Variants in LRPPRC observed in about 807,000 individuals in gnomAD.
LRPPRC encodes the protein leucine-rich PPR motif-containing protein, mitochondrial.
In LRPPRC, 120 loss-of-function variants were observed where a neutral mutation model predicts 180.3. That is an observed-to-expected ratio of 0.67 (90% CI 0.57 to 0.77). The LOEUF is 0.77. Ranked by LOEUF, LRPPRC falls within the 30% of genes least tolerant of loss-of-function variation. The pLI, the probability that LRPPRC is intolerant of heterozygous loss-of-function variation, is 0.00. For missense variants in LRPPRC, 2,012 were observed against 1,657.2 expected (o/e 1.21, Z -3.72); for synonymous variants, 723 against 600.0 (o/e 1.21, Z -3.00).
intron 16 of LRPPRC, among the ~76,000 whole-genome samples, chr2:43,949,301 A>G (rs1247415148): frequency 6.6e-6 from 1 of 152,202 alleles, no homozygotes; most frequent in African/African-American, 2.4e-5. Flanking sequence ...CAAAACATTA[A>G]AAGCACATAA....
At chr2:43,911,039 A>T (rs1671237196) in intron 30 of LRPPRC, among the ~76,000 whole-genome samples, 1 of 151,836 alleles carries the variant, frequency 6.6e-6, no homozygotes, top group Non-Finnish European at 1.5e-5. Flanking sequence ...ATTTTCTGAG[A>T]AAAGTAATTT....
At chr2:43,889,471 C>G (rs899788550) in intron 37 of LRPPRC, among the ~76,000 whole-genome samples, 1 of 152,058 alleles carries the variant, frequency 6.6e-6, no homozygotes, top group African/African-American at 2.4e-5. Flanking sequence ...GAGAGAACTG[C>G]CCCAAGGACA....
intron 12 of LRPPRC, 57 bp from the exon 13 acceptor site, chr2:43,960,691 G>A (rs577477837): frequency 3.6e-6 from 3 of 822,060 alleles, no homozygotes; most frequent in Non-Finnish European, 6.5e-6. Flanking sequence ...ATTTTGATAA[G>A]CCAAAGATCC....
At chr2:43,891,752 T>C (rs1192069134) in intron 36 of LRPPRC, among the ~76,000 whole-genome samples, 1 of 152,208 alleles carries the variant, frequency 6.6e-6, no homozygotes, top group Non-Finnish European at 1.5e-5. Context: ...CATACATCTC[T>C]CATTTAAATC....
chr2:43,900,442 T>G (rs1406891937), intron 32 of LRPPRC, among the ~76,000 whole-genome samples: 1 of 152,168 alleles, frequency 6.6e-6, no homozygotes, highest in Non-Finnish European at 1.5e-5. Context: ...AAGGAATTAC[T>G]TAATAGTGAA....
At chr2:43,908,559 T>A (rs1441592073) in intron 30 of LRPPRC, among the ~76,000 whole-genome samples, 1 of 152,032 alleles carries the variant, frequency 6.6e-6, no homozygotes, top group African/African-American at 2.4e-5. Context: ...TCTCACTCTG[T>A]CACTCAGGCT....
chr2:43,974,063 G>C (rs1371366527), intron 9 of LRPPRC, 87 bp downstream of exon 9: 9 of 1,358,778 alleles, frequency 6.6e-6, no homozygotes, highest in Middle Eastern at 1.8e-4. Flanking sequence ...TTTACAACTG[G>C]TCTAATCTTA....
At chr2:43,924,959 A>G (rs1245023353) in intron 27 of LRPPRC, 108 bp downstream of exon 27, 1 of 759,546 alleles carries the variant, frequency 1.3e-6, no homozygotes, top group Non-Finnish European at 2.4e-6. Flanking sequence ...TGTTGAATGA[A>G]AACTGCCTTC....
intron 25 of LRPPRC, among the ~76,000 whole-genome samples, chr2:43,932,848 C>T (rs1296200286): frequency 6.6e-6 from 1 of 152,148 alleles, no homozygotes; most frequent in South Asian, 2.1e-4. Context: ...AACAAGAAAT[C>T]ACTCTTCTGC....
chr2:43,964,134 G>T (rs1027587881), intron 11 of LRPPRC, among the ~76,000 whole-genome samples: 7 of 152,072 alleles, frequency 4.6e-5, no homozygotes, highest in Non-Finnish European at 8.8e-5. Context: ...TATGTAAAAA[G>T]TTCCCTAATT....
intron 36 of LRPPRC, among the ~76,000 whole-genome samples, chr2:43,891,867 A>C (rs897941438): frequency 5.3e-5 from 8 of 152,270 alleles, no homozygotes; most frequent in African/African-American, 2.4e-5. Flanking sequence ...CCAGTTGTGA[A>C]TGCAAAGGAA....
Position 43,945,407 on chromosome 2 carries a change from C to A in LRPPRC, c.2221G>T (p.Asp741Tyr). The A allele has an allele frequency of 1.2e-6, 2 of 1,608,856 alleles. No homozygotes were observed. The highest frequency in any genetic ancestry group is 1.7e-6 in the Non-Finnish European group (2 of 1,175,438). The part of the protein sequence containing the change: ...LNLKEEFDRL[D>Y]SSAVLDTGKY... Reference sequence around the variant, plus strand: ...CCGGTGTCAAGGACAGCAGATGAATCTAAGCGGTCACTAAAAATTAAAGCC... The same window carrying A: ...CCGGTGTCAAGGACAGCAGATGAATATAAGCGGTCACTAAAAATTAAAGCC... Residue 741 changes from aspartate to tyrosine, a missense_variant, in exon 22 of 38, where the codon GAT becomes TAT. Asp to Tyr is a radical substitution (Grantham distance 160). Transcript: ENST00000260665.
chr2:43,887,862 C>T lies in LRPPRC; in HGVS notation c.*738G>A, dbSNP rs919101190. 1 of 152,324 alleles carries T rather than the reference C, an allele frequency of 6.6e-6. No individual in the cohort carries two copies. The highest frequency in any genetic ancestry group is 1.9e-4 in the East Asian group (1 of 5,206). 9.4% of individuals were successfully genotyped at this position (152,324 alleles called of 1,614,324 possible). A position where few individuals can be genotyped will look rare whatever the true frequency, so the allele number is the denominator to read the frequency against. ...ATAAAGTAACAAGCCTAGGGCAGAG[C>T]TTGTACTGACAAAGTCCTGAAACTA... On this transcript the variant is annotated 3_prime_UTR_variant, in exon 38 of 38. Transcript: ENST00000260665.
At chr2:43,918,804 T>TATATATAG (rs1425325672) in intron 27 of LRPPRC, among the ~76,000 whole-genome samples, 1 of 136,542 alleles carries the variant, frequency 7.3e-6, no homozygotes, top group Non-Finnish European at 1.5e-5. Context: ...TATATATATA[T>TATATATAG]ATATAGATAT....
intron 1 of LRPPRC, among the ~76,000 whole-genome samples, chr2:43,984,706 A>C (rs1293349542): frequency 6.6e-6 from 1 of 152,176 alleles, no homozygotes; most frequent in Non-Finnish European, 1.5e-5. Context: ...GAAAGAACAG[A>C]ACAAGTCCAG....
At chr2:43,915,094 G>C (rs1463737086) in intron 29 of LRPPRC, among the ~76,000 whole-genome samples, 1 of 149,340 alleles carries the variant, frequency 6.7e-6, no homozygotes, top group Non-Finnish European at 1.5e-5. Context: ...GTCAGGCATG[G>C]TGGTGGGTGC....
chr2:43,929,333 T>C (rs1016133502), intron 25 of LRPPRC, among the ~76,000 whole-genome samples: 5 of 152,372 alleles, frequency 3.3e-5, no homozygotes, highest in Non-Finnish European at 7.3e-5. Flanking sequence ...TTACTTCGTA[T>C]GACTAGTACT....
intron 14 of LRPPRC, among the ~76,000 whole-genome samples, chr2:43,953,659 G>A (rs1427650924): frequency 1.3e-5 from 2 of 152,174 alleles, no homozygotes; most frequent in Non-Finnish European, 2.9e-5. Context: ...GAGACGCAGA[G>A]CACCTAGCTT....
Position 43,888,480 on chromosome 2 carries a change from A to C in LRPPRC, c.*120T>G, listed in dbSNP as rs899553252. 17 of 679,510 alleles carry C rather than the reference A, an allele frequency of 2.5e-5. No individual in the cohort carries two copies. In the African/African-American group the frequency reaches 2.9e-4, roughly 11 times the overall value. The allele number at this position is 679,510 out of a possible 1,614,324, so 42.1% of individuals were successfully genotyped here. On this transcript the variant is annotated 3_prime_UTR_variant, in exon 38 of 38. Coordinates refer to ENST00000260665, the MANE Select transcript of LRPPRC (RefSeq NM_133259.4). ...ATGGTCAATAAGACTTTGAACATGCATCACACATACATAAGTACATAAAGA... is the reference window on the plus strand; with the variant it reads ...ATGGTCAATAAGACTTTGAACATGCCTCACACATACATAAGTACATAAAGA...
Sources: gnomAD v4.1 joint callset for allele counts (sites outside exome capture counted in the v4.1 genomes callset) on GRCh38, gnomAD v4.1.1 for gene constraint, MANE v1.5 for transcripts, NCBI Gene and HGNC (gene_info 2026-07-23, HGNC 2026-07-21) for gene names.